The following PDE2A variants were observed in gnomAD, a reference collection of about 807,000 sequenced individuals.
PDE2A encodes phosphodiesterase 2A.
A neutral mutation model predicts 133.6 loss-of-function variants in PDE2A; 53 were observed. The ratio of observed to expected loss-of-function variants is 0.40; its 90% CI spans 0.32 to 0.50. PDE2A has a LOEUF of 0.50. Among genes scored for constraint, PDE2A ranks in the 20% least tolerant of loss-of-function variants. PDE2A has a pLI of 0.73. For synonymous variants in PDE2A, 491 were observed against 490.2 expected (o/e 1.00, Z -0.02); for missense variants, 796 against 1,232.4 (o/e 0.65, Z 5.30).
chr11:72,622,335 C>T (rs1490824653), intron 2 of PDE2A, among the ~76,000 whole-genome samples: 5 of 152,168 alleles, frequency 3.3e-5, no homozygotes, highest in Admixed American at 1.3e-4. Flanking sequence ...CTGTGTGATC[C>T]AGCAAGCGTA....
intron 2 of PDE2A, among the ~76,000 whole-genome samples, chr11:72,631,781 A>G (rs1858398465): frequency 6.6e-6 from 1 of 151,966 alleles, no homozygotes; most frequent in Non-Finnish European, 1.5e-5. Context: ...AGACCTGCTC[A>G]CTCATTCTCC....
chr11:72,584,526 C>G, intron 18 of PDE2A, 25 bp downstream of exon 18: 2 of 1,569,566 alleles, frequency 1.3e-6, no homozygotes, highest in Non-Finnish European at 1.7e-6. Context: ...AGGCCCCGCC[C>G]CTCCGCCCGG....
chr11:72,670,043 C>A (rs1855349879), intron 1 of PDE2A, among the ~76,000 whole-genome samples: 1 of 152,144 alleles, frequency 6.6e-6, no homozygotes, highest in African/African-American at 2.4e-5. Context: ...CCCAGGGCTT[C>A]CCCCCAGCCT....
At chr11:72,646,747 G>A (rs1190096810) in intron 1 of PDE2A, among the ~76,000 whole-genome samples, 10 of 152,076 alleles carry the variant, frequency 6.6e-5, no homozygotes, top group Admixed American at 6.5e-4. Context: ...TGAACCTCTG[G>A]CTTTTCTTCC....
chr11:72,580,462 G>A, intron 25 of PDE2A, 115 bp downstream of exon 25: 1 of 803,622 alleles, frequency 1.2e-6, no homozygotes, highest in Non-Finnish European at 2.1e-6. Flanking sequence ...TGTGGCTGCA[G>A]CTCTCGCAGC....
rs755494564 is a variant in PDE2A at position 72,590,331 on chromosome 11, GC to G, written c.704-88del. 149 of 1,537,170 alleles carry G rather than the reference GC, an allele frequency of 9.7e-5. No individual in the cohort carries two copies. Among genetic ancestry groups the G allele is most frequent in the Middle Eastern group, 3.4e-4 (2 of 5,898 alleles). ...CAGGCGCCGCTCAGCTCCGCGCCGG[GC>G]CCGCCGCCGGCTCCCGGGATCGCCT... On this transcript the variant is annotated intron_variant, in intron 8 of 30. Transcript: ENST00000334456. The surrounding 1 kb of genome is among the most constrained non-coding windows in gnomAD (Gnocchi z 4.8).
chr11:72,634,066 C>T (rs1858555882), intron 2 of PDE2A, among the ~76,000 whole-genome samples: 1 of 152,206 alleles, frequency 6.6e-6, no homozygotes, highest in Admixed American at 6.5e-5. Flanking sequence ...CCAAATCTAA[C>T]TTTCACTGGA....
chr11:72,577,714 T>G (rs1855530666), intron 30 of PDE2A, 120 bp from the exon 31 acceptor site: 1 of 709,462 alleles, frequency 1.4e-6, no homozygotes. Flanking sequence ...AGCTCACGCC[T>G]GTAATCCCAA....
In PDE2A at chr11:72,624,610, T is replaced by C. The variant is rs1002949236; in HGVS notation, c.145-15859A>G. Among the ~76,000 whole-genome samples, 3 of 152,238 alleles carry C rather than the reference T, an allele frequency of 2.0e-5. No homozygotes were observed. The South Asian group carries it at 6.2e-4, about 31-fold the overall frequency. On this transcript the variant is annotated intron_variant, in intron 2 of 30. Transcript: ENST00000334456. ...GACCATACCTGCTACTGCAGCGTCA[T>C]TTGCTCACGTTTCTGTATTTGATTC...
Position 72,590,359 on chromosome 11 carries a change from A to G in PDE2A, c.703+68T>C. 6.5e-7 allele frequency: 1 copy of G among 1,540,422 alleles called. No individual in the cohort carries two copies. The highest frequency in any genetic ancestry group is 2.4e-5 in the East Asian group (1 of 40,996). On this transcript the variant is annotated intron_variant, in intron 8 of 30. Coordinates refer to ENST00000334456, the MANE Select transcript of PDE2A (RefSeq NM_002599.5). The surrounding 1 kb of genome is among the most constrained non-coding windows in gnomAD (Gnocchi z 4.8). The stretch of plus-strand genomic sequence containing the variant: ...CGCCGCCGGCTCCCGGGATCGCCTA[A>G]CCCGCCCACCTCCCCTCCAAGTTCT...
intron 25 of PDE2A, 59 bp downstream of exon 25, chr11:72,580,518 C>G: frequency 7.6e-7 from 1 of 1,311,166 alleles, no homozygotes. Flanking sequence ...TGGGTCATAA[C>G]TTTGCAAGTC....
intron 2 of PDE2A, among the ~76,000 whole-genome samples, chr11:72,616,676 C>G (rs936368716): frequency 5.9e-5 from 9 of 152,238 alleles, no homozygotes; most frequent in African/African-American, 2.2e-4. Flanking sequence ...TGGGGTGTCT[C>G]CTACTGAGAG....
intron 1 of PDE2A, among the ~76,000 whole-genome samples, chr11:72,664,364 A>ATTTTTTTTTTTTTTTTTTTTTTTT (rs34217943): frequency 1.4e-5 from 1 of 70,104 alleles, no homozygotes; most frequent in African/African-American, 6.0e-5. Flanking sequence ...CCCTTGAAGG[A>ATTTTTTTTTTTTTTTTTTTTTTTT]TTTTTTTTTT....
chr11:72,577,733 G>C, intron 30 of PDE2A, 139 bp from the exon 31 acceptor site: 1 of 653,116 alleles, frequency 1.5e-6, no homozygotes, highest in Non-Finnish European at 2.7e-6. Context: ...AACACTCAGA[G>C]ATGCCGAGGT....
chr11:72,617,428 G>A (rs552697016), intron 2 of PDE2A, among the ~76,000 whole-genome samples: 36 of 152,326 alleles, frequency 2.4e-4, no homozygotes, highest in African/African-American at 8.7e-4. Context: ...CTCCCTGACT[G>A]TCCCAGCGTG....
At chr11:72,621,193 G>A (rs181696664) in intron 2 of PDE2A, among the ~76,000 whole-genome samples, 100 of 152,240 alleles carry the variant, frequency 6.6e-4, no homozygotes, top group Admixed American at 6.5e-3. Context: ...ACAACATCCT[G>A]CTGAAGTGCC....
At position 72,578,628 on chromosome 11, in the gene PDE2A, A is replaced by G; in HGVS notation, c.2470-114T>C. 1.0e-6 allele frequency: 1 copy of G among 953,022 alleles called. No individual in the cohort carries two copies. Among genetic ancestry groups the G allele is most frequent in the Non-Finnish European group, 1.7e-6 (1 of 600,894 alleles). The allele number at this position is 953,022 out of a possible 1,614,324, so 59.0% of individuals were successfully genotyped here. Reference sequence around the variant, plus strand: ...AGGCCCAGGGATTCAGTCCCAGCTCAGGAGCCGTCCCCACCAGCCCCAGCT... The same window carrying G: ...AGGCCCAGGGATTCAGTCCCAGCTCGGGAGCCGTCCCCACCAGCCCCAGCT... On this transcript the variant is annotated intron_variant, in intron 28 of 30. Coordinates refer to ENST00000334456, the MANE Select transcript of PDE2A (RefSeq NM_002599.5). The surrounding 1 kb of genome is among the most constrained non-coding windows in gnomAD (Gnocchi z 4.2).
At position 72,585,533 on chromosome 11, in the gene PDE2A, CAG is replaced by C. The variant is rs775328422; in HGVS notation, c.1222+19_1222+20del. 1.2e-6 allele frequency: 2 copies of C among 1,613,870 alleles called. No homozygotes were observed. Among genetic ancestry groups the C allele is most frequent in the Non-Finnish European group, 1.7e-6 (2 of 1,179,854 alleles). Reference sequence around the variant, plus strand: ...GCCCCCATGCCCACACACAGCCAGGCAGAGAGAACAGTGCACTCACCCAGGTG... The same window carrying C: ...GCCCCCATGCCCACACACAGCCAGGCAGAGAACAGTGCACTCACCCAGGTG... On this transcript the variant is annotated intron_variant, in intron 15 of 30. Transcript: ENST00000334456.
rs144713982 is a variant in PDE2A at position 72,628,756 on chromosome 11, T to A, written c.144+13498A>T. ...ACTTGAACCCGTGCTCATCTGACCC[T>A]GTGGCTTGTCCACTATATGAGGCCA... is the stretch of plus-strand genomic sequence containing the variant. On this transcript the variant is annotated intron_variant, in intron 2 of 30. Coordinates refer to ENST00000334456, the MANE Select transcript of PDE2A (RefSeq NM_002599.5). Among the ~76,000 whole-genome samples, 3 of 152,376 alleles carry A rather than the reference T, an allele frequency of 2.0e-5. No homozygotes were observed. In the East Asian group the frequency reaches 5.8e-4, roughly 29 times the overall value.
Sources: allele counts gnomAD v4.1 joint callset (sites outside exome capture counted in the v4.1 genomes callset), GRCh38; gene constraint gnomAD v4.1.1; non-coding constraint Gnocchi (gnomAD v3.1); transcripts MANE v1.5; gene names NCBI Gene and HGNC (gene_info 2026-07-23, HGNC 2026-07-21).